The following CAPN14 variants were observed in gnomAD, a reference collection of about 807,000 sequenced individuals.
CAPN14 encodes the protein calpain 14.
Under a neutral mutation model 101.3 loss-of-function variants are expected in CAPN14, and 94 were observed. The ratio of observed to expected loss-of-function variants is 0.93; its 90% CI spans 0.79 to 1.10. The LOEUF (loss-of-function observed/expected upper bound fraction) is 1.10. CAPN14 is among the 50% of genes least tolerant of loss of function. The pLI, the probability that CAPN14 is intolerant of heterozygous loss-of-function variation, is 0.00. For missense variants in CAPN14, 837 were observed against 828.4 expected, an observed-to-expected ratio of 1.01 and a Z score of -0.13; for synonymous variants, 338 against 317.9, an observed-to-expected ratio of 1.06 and a Z score of -0.67.
intron 6 of CAPN14, 45 bp from the exon 7 acceptor site, chr2:31,199,577 G>C: frequency 6.7e-7 from 1 of 1,488,754 alleles, no homozygotes; most frequent in Non-Finnish European, 9.1e-7. Context: ...GTTATGTACA[G>C]CTTATTCTTT....
chr2:31,191,343 T>C, intron 12 of CAPN14, 56 bp downstream of exon 12: 1 of 1,511,860 alleles, frequency 6.6e-7, no homozygotes, highest in East Asian at 2.5e-5. Context: ...TGTGGAGGCT[T>C]GGCCACATGT....
intron 18 of CAPN14, 74 bp downstream of exon 18, chr2:31,178,437 T>A: frequency 8.7e-7 from 1 of 1,155,724 alleles, no homozygotes; most frequent in Non-Finnish European, 1.3e-6. Context: ...GGGACAGAAG[T>A]ATCTTCTACA....
intron 2 of CAPN14, 48 bp downstream of exon 2, chr2:31,205,175 C>G (rs1478567401): frequency 6.7e-7 from 1 of 1,497,130 alleles, no homozygotes; most frequent in South Asian, 1.2e-5. Flanking sequence ...TATCTGAAAG[C>G]CCTAAACCCT....
chr2:31,222,764 G>C (rs1682897374), intron 2 of CAPN14, among the ~76,000 whole-genome samples: 1 of 152,158 alleles, frequency 6.6e-6, no homozygotes, highest in African/African-American at 2.4e-5. Flanking sequence ...GTCAGAAAAA[G>C]ATCTGGAGTT....
chr2:31,227,473 A>G (rs1683059741), intron 1 of CAPN14, among the ~76,000 whole-genome samples: 1 of 152,066 alleles, frequency 6.6e-6, no homozygotes, highest in South Asian at 2.1e-4. Flanking sequence ...TTTATTCTAG[A>G]CTTCCCTTTC....
chr2:31,229,106 T>G (rs1683109721), intron 1 of CAPN14, among the ~76,000 whole-genome samples: 1 of 152,200 alleles, frequency 6.6e-6, no homozygotes, highest in Admixed American at 6.5e-5. Context: ...TATGTTCTTT[T>G]GGCTTGCATT....
upstream of CAPN14, chr2:31,233,893 G>A (rs924784158): frequency 2.0e-5 from 3 of 152,400 alleles, no homozygotes; most frequent in Non-Finnish European, 4.4e-5. Context: ...TCCCTGAGAG[G>A]GCGCTGTTCC....
intron 3 of CAPN14, among the ~76,000 whole-genome samples, chr2:31,202,764 T>C (rs545753584): frequency 1.3e-5 from 2 of 152,248 alleles, no homozygotes; most frequent in South Asian, 2.1e-4. Context: ...GAAGGACCCA[T>C]TGTGGGAACT....
intron 2 of CAPN14, chr2:31,226,392 T>C (rs1683023823): frequency 6.6e-6 from 1 of 152,202 alleles, no homozygotes; most frequent in African/African-American, 2.4e-5. Context: ...TTTGTTTGCT[T>C]GTCAAAAGCC....
At chr2:31,188,754 A>G (rs1015892044) in intron 13 of CAPN14, among the ~76,000 whole-genome samples, 7 of 152,330 alleles carry the variant, frequency 4.6e-5, no homozygotes, top group Non-Finnish European at 5.9e-5. Flanking sequence ...GGATATGTGC[A>G]CATTAATTCA....
intron 7 of CAPN14, among the ~76,000 whole-genome samples, chr2:31,198,161 A>G (rs2040856239): frequency 6.6e-6 from 1 of 152,212 alleles, no homozygotes; most frequent in Non-Finnish European, 1.5e-5. Flanking sequence ...ACTGAGATAG[A>G]TGCATATCTG....
At chr2:31,206,260 C>T (rs1216205376) in intron 1 of CAPN14, among the ~76,000 whole-genome samples, 2 of 151,988 alleles carry the variant, frequency 1.3e-5, no homozygotes, top group Admixed American at 6.5e-5. Context: ...CCCCCAGCTG[C>T]GCTCCGGGTC....
At chr2:31,233,251 A>G (rs1397404808) in intron 1 of CAPN14, among the ~76,000 whole-genome samples, 1 of 151,724 alleles carries the variant, frequency 6.6e-6, no homozygotes, top group African/African-American at 2.4e-5. Context: ...GGCCTCCCTC[A>G]CTCTCTTTCA....
intron 1 of CAPN14, among the ~76,000 whole-genome samples, chr2:31,212,315 A>C (rs974440908): frequency 2.0e-5 from 3 of 149,078 alleles, no homozygotes; most frequent in South Asian, 2.1e-4. Context: ...CTCAAAACAA[A>C]AAAAAAAAAA....
At chr2:31,216,092 T>A (rs745886467) in intron 1 of CAPN14, among the ~76,000 whole-genome samples, 41 of 152,202 alleles carry the variant, frequency 2.7e-4, no homozygotes, top group Non-Finnish European at 4.8e-4. Flanking sequence ...AATGAAATAC[T>A]TCACAGCTCT....
At chr2:31,206,016 T>G (rs114629846) in intron 1 of CAPN14, among the ~76,000 whole-genome samples, 1 of 146,886 alleles carries the variant, frequency 6.8e-6, no homozygotes, top group Non-Finnish European at 1.5e-5. Context: ...TCCTACATTA[T>G]CTTTATTTTT....
Position 31,189,326 on chromosome 2 carries a change from G to C in CAPN14, c.1440C>G (p.Ala480=). Reference sequence around the variant, plus strand: ...TGAGGACGAACTCTGACTTCTGGTGGGCCTCCAATATGCAGGGCACGATGA... The same window carrying C: ...TGAGGACGAACTCTGACTTCTGGTGCGCCTCCAATATGCAGGGCACGATGA... ...TYLIVPCILE[A]HQKSEFVLRV... is the part of the protein sequence containing the mutation. Residue 480 remains alanine, a synonymous_variant, in exon 13 of 22, where the codon GCC becomes GCG. Transcript: ENST00000403897. The C allele has an allele frequency of 6.4e-7, 1 of 1,551,680 alleles. No homozygotes were observed. The highest frequency in any genetic ancestry group is 1.2e-5 in the South Asian group (1 of 84,056).
chr2:31,196,687 C>A (rs1217906862), intron 8 of CAPN14, among the ~76,000 whole-genome samples: 4 of 152,174 alleles, frequency 2.6e-5, no homozygotes, highest in Non-Finnish European at 2.9e-5. Context: ...CCTGCAAAAC[C>A]CGCATTTCTT....
Position 31,191,396 on chromosome 2 carries a change from C to T in CAPN14, c.1287+3G>A. On this transcript the variant is annotated splice_donor_region_variant and intron_variant, in intron 12 of 21. Coordinates refer to ENST00000403897, the MANE Select transcript of CAPN14 (RefSeq NM_001145122.2). ...GGGCCACCCGGTCAAGTGCAGAACT[C>T]ACCTTGTTCATCTAAAAAACAAAAA... The T allele has an allele frequency of 6.5e-7, 1 of 1,534,576 alleles. No homozygotes were observed. Among genetic ancestry groups the T allele is most frequent in the East Asian group, 2.5e-5 (1 of 40,722 alleles).
Sources: gnomAD v4.1 joint callset for allele counts (sites outside exome capture counted in the v4.1 genomes callset) on GRCh38, gnomAD v4.1.1 for gene constraint, MANE v1.5 for transcripts, NCBI Gene and HGNC (gene_info 2026-07-23, HGNC 2026-07-21) for gene names.